MAF: variants seen among roughly 807,000 people sequenced by gnomAD.
MAF encodes the protein MAF bZIP transcription factor.
MAF carries 10 observed loss-of-function variants against 22.0 expected under a neutral mutation model. That is an observed-to-expected ratio of 0.45 (90% CI 0.28 to 0.77). MAF has a LOEUF of 0.77. MAF is among the 30% of genes least tolerant of loss of function. The probability of loss-of-function intolerance (pLI) is 0.12; values close to 1 mark genes in which losing one functional copy is unlikely to be tolerated. For missense variants in MAF, 544 were observed against 548.4 expected, an observed-to-expected ratio of 0.99 and a Z score of 0.08; for synonymous variants, 337 against 255.8, an observed-to-expected ratio of 1.32 and a Z score of -3.03.
the MAF span, among the ~76,000 whole-genome samples, chr16:79,482,811 C>A: frequency 6.6e-6 from 1 of 151,444 alleles, no homozygotes; most frequent in African/African-American, 2.4e-5. Flanking sequence ...AGATGCCAGA[C>A]TCAGTAGGGC....
the MAF span, among the ~76,000 whole-genome samples, chr16:79,465,138 G>C: frequency 6.6e-6 from 1 of 152,156 alleles, no homozygotes; most frequent in African/African-American, 2.4e-5. Context: ...GTATCTATGG[G>C]GAATTGGTTC....
At chr16:79,415,725 G>C in the MAF span, among the ~76,000 whole-genome samples, 1 of 151,780 alleles carries the variant, frequency 6.6e-6, no homozygotes, top group Admixed American at 6.6e-5. Context: ...ATGGGCTTTG[G>C]AGTCAGTTAG....
chr16:79,459,518 T>C, the MAF span, among the ~76,000 whole-genome samples: 2 of 152,158 alleles, frequency 1.3e-5, no homozygotes, highest in Non-Finnish European at 2.9e-5. Context: ...CATTTTAACA[T>C]CTAGAAGGAA....
At chr16:79,324,101 T>G in the MAF span, among the ~76,000 whole-genome samples, 3 of 152,220 alleles carry the variant, frequency 2.0e-5, no homozygotes, top group Non-Finnish European at 4.4e-5. Context: ...TTATGTTATG[T>G]GAATTTTGCT....
At chr16:79,324,794 C>G in the MAF span, among the ~76,000 whole-genome samples, 2 of 152,204 alleles carry the variant, frequency 1.3e-5, no homozygotes, top group Non-Finnish European at 2.9e-5. Context: ...CAAATGGCCA[C>G]AAACTTGGTG....
the MAF span, among the ~76,000 whole-genome samples, chr16:79,331,755 C>T: frequency 5.3e-5 from 8 of 152,082 alleles, no homozygotes; most frequent in Admixed American, 5.2e-4. Flanking sequence ...TCCTTTCTGC[C>T]CCCATCTCCT....
chr16:79,475,260 A>T, the MAF span, among the ~76,000 whole-genome samples: 1 of 151,918 alleles, frequency 6.6e-6, no homozygotes, highest in Non-Finnish European at 1.5e-5. Flanking sequence ...ATTAGCTTTA[A>T]AATAAAATAA....
At chr16:79,219,697 G>C in the MAF span, among the ~76,000 whole-genome samples, 1 of 151,958 alleles carries the variant, frequency 6.6e-6, no homozygotes, top group Admixed American at 6.6e-5. Flanking sequence ...TCCACTCCAA[G>C]GCCATTTGTC....
chr16:79,576,727 T>C, the MAF span, among the ~76,000 whole-genome samples: 3 of 152,178 alleles, frequency 2.0e-5, no homozygotes, highest in East Asian at 1.9e-4. Context: ...CCATATAATA[T>C]TGTCCAAGGC....
the MAF span, among the ~76,000 whole-genome samples, chr16:79,380,136 A>G: frequency 2.0e-5 from 3 of 152,178 alleles, no homozygotes; most frequent in South Asian, 4.1e-4. Flanking sequence ...TTTTCTCACT[A>G]TTTAATCATG....
Position 79,600,616 on chromosome 16 carries a change from T to C in MAF, c.-714A>G, listed in dbSNP as rs879117894. 10 of 195,656 alleles carry C rather than the reference T, an allele frequency of 5.1e-5. No homozygotes were observed. The highest frequency in any genetic ancestry group is 1.2e-4 in the Non-Finnish European group (10 of 85,672). 12.1% of individuals were successfully genotyped at this position (195,656 alleles called of 1,614,324 possible). ...CTTGCCTTTTTTTAAAAAAGCAAAA[T>C]AGCGAAGTCCTGGGGAAAGACGAGG... On this transcript the variant is annotated 5_prime_UTR_variant, in exon 1 of 2. Coordinates refer to ENST00000326043, the MANE Select transcript of MAF (RefSeq NM_005360.5).
At chr16:79,385,633 G>A in the MAF span, among the ~76,000 whole-genome samples, 1 of 152,310 alleles carries the variant, frequency 6.6e-6, no homozygotes, top group East Asian at 1.9e-4. Flanking sequence ...GGGTGTGGTA[G>A]CTCATGCCTA....
chr16:79,458,614 T>C, the MAF span, among the ~76,000 whole-genome samples: 1 of 152,218 alleles, frequency 6.6e-6, no homozygotes, highest in East Asian at 1.9e-4. Flanking sequence ...TGCATTTCTG[T>C]ATTTTCCAGA....
chr16:79,272,241 A>C, the MAF span, among the ~76,000 whole-genome samples: 1 of 152,218 alleles, frequency 6.6e-6, no homozygotes, highest in African/African-American at 2.4e-5. Context: ...CTGTGTTTGA[A>C]GGTGTTTCTC....
chr16:79,403,417 G>T, the MAF span, among the ~76,000 whole-genome samples: 4 of 152,166 alleles, frequency 2.6e-5, no homozygotes, highest in Non-Finnish European at 5.9e-5. Context: ...AGCCTCAAAC[G>T]CAGAAAGGTC....
the MAF span, among the ~76,000 whole-genome samples, chr16:79,241,475 A>G: frequency 5.3e-5 from 8 of 152,116 alleles, no homozygotes; most frequent in Non-Finnish European, 1.0e-4. Context: ...AAATAAAGTG[A>G]GAAGACAAGA....
chr16:79,337,999 C>T, the MAF span, among the ~76,000 whole-genome samples: 1 of 152,148 alleles, frequency 6.6e-6, no homozygotes, highest in Non-Finnish European at 1.5e-5. Flanking sequence ...TTGTGTCAGG[C>T]CCTGTGCTAG....
Position 79,599,187 on chromosome 16 carries a change from GCGCCCCCGCCGCCTCCGCCGC to G in MAF, c.695_715del (p.Gly232_Gly238del). On this transcript the variant is annotated inframe_deletion, in exon 1 of 2. Coordinates refer to ENST00000326043, the MANE Select transcript of MAF (RefSeq NM_005360.5). Reference sequence around the variant, plus strand: ...GTGCAGGGCGCCCCCCGCCCCCGCCGCGCCCCCGCCGCCTCCGCCGCCGCCGCCGCCGCCGCCGCCCCCAGC... The same window carrying G: ...GTGCAGGGCGCCCCCCGCCCCCGCCGCGCCGCCGCCGCCGCCGCCCCCAGC... The G allele has an allele frequency of 4.6e-6, 5 of 1,082,772 alleles. No homozygotes were observed. The highest frequency in any genetic ancestry group is 5.6e-6 in the Non-Finnish European group (5 of 885,576). 67.1% of individuals were successfully genotyped at this position (1,082,772 alleles called of 1,614,324 possible).
chr16:79,564,536 C>G, the MAF span, among the ~76,000 whole-genome samples: 1 of 152,200 alleles, frequency 6.6e-6, no homozygotes, highest in Non-Finnish European at 1.5e-5. Context: ...CTGGGCACAT[C>G]CTGAAGAAGC....
Sources: gnomAD v4.1 joint callset for allele counts (sites outside exome capture counted in the v4.1 genomes callset) on GRCh38, gnomAD v4.1.1 for gene constraint, MANE v1.5 for transcripts, NCBI Gene and HGNC (gene_info 2026-07-23, HGNC 2026-07-21) for gene names.